Variants in SARDH observed in about 807,000 individuals in gnomAD.
SARDH encodes sarcosine dehydrogenase, mitochondrial.
Under a neutral mutation model 109.1 loss-of-function variants are expected in SARDH, and 95 were observed. The ratio of observed to expected loss-of-function variants is 0.87; its 90% CI spans 0.74 to 1.03. The LOEUF is 1.03. SARDH is among the 50% of genes least tolerant of loss of function. SARDH has a pLI of 0.00. For missense variants in SARDH, 1,267 were observed against 1,287.8 expected (o/e 0.98, Z 0.25); for synonymous variants, 572 against 534.8 (o/e 1.07, Z -0.96).
intron 17 of SARDH, among the ~76,000 whole-genome samples, chr9:133,679,033 G>C (rs557346003): frequency 3.9e-5 from 6 of 152,176 alleles, no homozygotes; most frequent in Non-Finnish European, 7.4e-5. Context: ...ACTTGCCCCA[G>C]ACAGAAGCAG....
intron 13 of SARDH, among the ~76,000 whole-genome samples, chr9:133,701,178 T>G (rs1831470741): frequency 6.6e-6 from 1 of 152,246 alleles, no homozygotes; most frequent in Non-Finnish European, 1.5e-5. Flanking sequence ...GATGCCTCAT[T>G]GGCGGACTGG....
intron 6 of SARDH, among the ~76,000 whole-genome samples, chr9:133,726,227 G>A (rs998588626): frequency 2.0e-5 from 3 of 151,710 alleles, no homozygotes; most frequent in African/African-American, 4.8e-5. Flanking sequence ...AATTAGCCAG[G>A]AGTGGTGGCA....
chr9:133,712,007 C>T lies in SARDH; in HGVS notation c.1328+612G>A, dbSNP rs747105069. Among the ~76,000 whole-genome samples, 2 of 152,188 alleles carry T rather than the reference C, an allele frequency of 1.3e-5. No homozygotes were observed. The highest frequency in any genetic ancestry group is 2.9e-5 in the Non-Finnish European group (2 of 68,014). ...GCAGAAGGCCATCGGGATAGGCTGC[C>T]GTCACCGGCTCTGGCCACCAGCACC... On this transcript the variant is annotated intron_variant, in intron 10 of 20. Transcript: ENST00000439388. The surrounding 1 kb of genome is among the most constrained non-coding windows in gnomAD (Gnocchi z 4.1).
At chr9:133,662,904 C>A (rs1030821732), downstream of SARDH, among the ~76,000 whole-genome samples, 3 of 152,174 alleles carry the variant, frequency 2.0e-5, no homozygotes, top group Admixed American at 6.5e-5. The surrounding 1 kb of genome is among the most constrained non-coding windows in gnomAD (Gnocchi z 5.1). Context: ...GAGATGCACA[C>A]CCCTCCCAGG....
chr9:133,731,895 A>G (rs182405306), intron 3 of SARDH, among the ~76,000 whole-genome samples: 2 of 151,942 alleles, frequency 1.3e-5, no homozygotes, highest in Admixed American at 1.3e-4. Flanking sequence ...TCCCAGTCAG[A>G]CCAGCTGTCA....
At position 133,731,376 on chromosome 9, in the gene SARDH, G is replaced by A; in HGVS notation, c.619C>T (p.His207Tyr). Residue 207 changes from histidine (H) to tyrosine (Y), a missense_variant, in exon 4 of 21, where the codon CAC becomes TAC. His to Tyr is a moderately conservative substitution (Grantham distance 83). Transcript: ENST00000439388. ...DDLYGTLYVP[H>Y]DGTMDPAGTC... ...CCAGCGGGGTCCATGGTACCGTCGT[G>A]CGGCACATACAGGGTCCCGTAGAGG... 6.2e-7 allele frequency: 1 copy of A among 1,614,198 alleles called. No individual in the cohort carries two copies. The highest frequency in any genetic ancestry group is 8.5e-7 in the Non-Finnish European group (1 of 1,180,034).
In SARDH at chr9:133,730,137, A is replaced by G. The variant is rs765710837; in HGVS notation, c.741T>C (p.Phe247=). 138 of 1,614,070 alleles carry G rather than the reference A, an allele frequency of 8.5e-5. No individual in the cohort carries two copies. The highest frequency in any genetic ancestry group is 1.2e-4 in the Non-Finnish European group (138 of 1,180,034). The change falls in exon 5 of 21, where the codon TTT becomes TTC. Residue 247 remains phenylalanine, a synonymous_variant. Transcript: ENST00000439388. ...VTGIRVWTDD[F]GVRRVAGVET... is the part of the protein sequence containing the mutation. ...CCACACCCGCGACCCGCCGCACCCCAAAATCATCCGTCCACACACGAATGC... is the reference window on the plus strand; with the variant it reads ...CCACACCCGCGACCCGCCGCACCCCGAAATCATCCGTCCACACACGAATGC...
intron 20 of SARDH, among the ~76,000 whole-genome samples, chr9:133,664,527 T>C (rs1564222236): frequency 6.6e-6 from 1 of 152,092 alleles, no homozygotes; most frequent in African/African-American, 2.4e-5. Flanking sequence ...GCAGGTGCTC[T>C]TAGGCAGGAG....
intron 11 of SARDH, among the ~76,000 whole-genome samples, chr9:133,706,322 T>C (rs1831695705): frequency 6.6e-6 from 1 of 152,174 alleles, no homozygotes; most frequent in African/African-American, 2.4e-5. Context: ...GGATGAACCT[T>C]GAAAACATGC....
In SARDH at chr9:133,666,482, T is replaced by A. The variant is rs1162360397; in HGVS notation, c.2631+253A>T. 6.6e-6 allele frequency among the ~76,000 whole-genome samples: 1 copy of A among 150,564 alleles called. No individual in the cohort carries two copies. The highest frequency in any genetic ancestry group is 2.4e-5 in the African/African-American group (1 of 41,040). The stretch of plus-strand genomic sequence containing the variant: ...ACCTGCTGAGGCCTCTTCCTCCCCC[T>A]TCTCCTTCTCCCTCCCTCCTCCCTC... On this transcript the variant is annotated intron_variant, in intron 20 of 20. Coordinates refer to ENST00000439388, the MANE Select transcript of SARDH (RefSeq NM_001134707.2). This position sits in a 1 kb window ranked among gnomAD's most constrained non-coding sequence, Gnocchi z 5.2.
rs1315436674 is a variant in SARDH at position 133,666,329 on chromosome 9, GGTATCAGCCTGGCT to G, written c.2631+392_2631+405del. On this transcript the variant is annotated intron_variant, in intron 20 of 20. Transcript: ENST00000439388. The surrounding 1 kb of genome is among the most constrained non-coding windows in gnomAD (Gnocchi z 5.2). The stretch of plus-strand genomic sequence containing the variant: ...GGGTCTCTGGTGTGAGGAGCTGGAA[GGTATCAGCCTGGCT>G]GGCTGGCACCTCCTTCTAACCAAAA... 1.2e-4 allele frequency among the ~76,000 whole-genome samples: 19 copies of G among 152,166 alleles called. No individual in the cohort carries two copies. The highest frequency in any genetic ancestry group is 2.6e-4 in the Non-Finnish European group (18 of 68,020).
At chr9:133,711,752 G>A (rs1831926664) in intron 10 of SARDH, among the ~76,000 whole-genome samples, 1 of 152,196 alleles carries the variant, frequency 6.6e-6, no homozygotes, top group South Asian at 2.1e-4. Context: ...TCCACCAGCA[G>A]CAGCAGCCGG....
chr9:133,738,519 C>T (rs931758025), upstream of SARDH, among the ~76,000 whole-genome samples: 7 of 152,216 alleles, frequency 4.6e-5, no homozygotes, highest in Non-Finnish European at 5.9e-5. Flanking sequence ...TTGTGAACCC[C>T]ATGCCCCATT....
chr9:133,664,134 C>A lies in SARDH; in HGVS notation c.2632-120G>T. The A allele has an allele frequency of 5.2e-6, 7 of 1,353,594 alleles. No individual in the cohort carries two copies. In the South Asian group the frequency reaches 7.3e-5, roughly 14 times the overall value. The allele number at this position is 1,353,594 out of a possible 1,614,324, so 83.8% of individuals were successfully genotyped here. A position where few individuals can be genotyped will look rare whatever the true frequency, so the allele number is the denominator to read the frequency against. On this transcript the variant is annotated intron_variant, in intron 20 of 20. Coordinates refer to ENST00000439388, the MANE Select transcript of SARDH (RefSeq NM_001134707.2). ...TACCTGCCCTGTGGGCAAACTCATC[C>A]CTGTGCCAGGGACTCCTTTCTGAAC...
intron 3 of SARDH, 127 bp downstream of exon 3, chr9:133,732,296 G>A (rs548829881): frequency 3.1e-5 from 17 of 551,660 alleles, no homozygotes; most frequent in African/African-American, 2.1e-4. Context: ...AACCCCCAGC[G>A]TACCTCCACC....
rs1175543671 is a variant in SARDH, at chr9:133,712,783, A to T, written c.1238-74T>A. ...CACCCATGTCCAAACATGTGCCCCC[A>T]TCTCCACGGACAGCACAGACACTCC... On this transcript the variant is annotated intron_variant, in intron 9 of 20. Coordinates refer to ENST00000439388, the MANE Select transcript of SARDH (RefSeq NM_001134707.2). The surrounding 1 kb of genome is among the most constrained non-coding windows in gnomAD (Gnocchi z 4.1). The T allele has an allele frequency of 5.0e-6, 7 of 1,390,020 alleles. No individual in the cohort carries two copies. The South Asian group carries it at 7.1e-5, about 14-fold the overall frequency. The allele number at this position is 1,390,020 out of a possible 1,614,324, so 86.1% of individuals were successfully genotyped here.
intron 18 of SARDH, 101 bp downstream of exon 18, chr9:133,671,434 C>T (rs1830343138): frequency 1.4e-6 from 2 of 1,385,642 alleles, no homozygotes; most frequent in Non-Finnish European, 1.9e-6. Flanking sequence ...CGGGTGACAA[C>T]ACAGGGAAGG....
At chr9:133,713,385 C>A (rs1024372014) in intron 8 of SARDH, among the ~76,000 whole-genome samples, 10 of 152,212 alleles carry the variant, frequency 6.6e-5, no homozygotes, top group Middle Eastern at 3.2e-3. Context: ...TGGGGTCCCG[C>A]TGTCTTGTGG....
chr9:133,736,956 T>C (rs994487170), intron 1 of SARDH, among the ~76,000 whole-genome samples: 11 of 152,250 alleles, frequency 7.2e-5, no homozygotes, highest in Non-Finnish European at 4.4e-5. Flanking sequence ...TCACTCTCAT[T>C]GAACACCTAT....
Sources: gnomAD v4.1 joint callset for allele counts (sites outside exome capture counted in the v4.1 genomes callset) on GRCh38, gnomAD v4.1.1 for gene constraint, Gnocchi (gnomAD v3.1) non-coding constraint, MANE v1.5 for transcripts, NCBI Gene and HGNC (gene_info 2026-07-23, HGNC 2026-07-21) for gene names.